The following STPG2 variants were observed in gnomAD, a reference collection of about 807,000 sequenced individuals.
STPG2 encodes the protein sperm-tail PG-rich repeat-containing protein 2.
In STPG2, 56 loss-of-function variants were observed where a neutral mutation model predicts 54.2. The ratio of observed to expected loss-of-function variants is 1.03; its 90% CI spans 0.83 to 1.29. The LOEUF (loss-of-function observed/expected upper bound fraction) is 1.29, where lower values mean the gene tolerates loss of function less well. Ranked by LOEUF, STPG2 falls within the 50% of genes most tolerant of loss-of-function variation. The pLI is 0.00. For synonymous variants in STPG2, 200 were observed against 181.8 expected, an observed-to-expected ratio of 1.10 and a Z score of -0.81; for missense variants, 596 against 544.9, an observed-to-expected ratio of 1.09 and a Z score of -0.93.
intron 10 of STPG2, among the ~76,000 whole-genome samples, chr4:97,600,688 C>G (rs1733434646): frequency 6.6e-6 from 1 of 152,092 alleles, no homozygotes; most frequent in Non-Finnish European, 1.5e-5. Flanking sequence ...CACACATACA[C>G]ACACAAAAAA....
intron 9 of STPG2, among the ~76,000 whole-genome samples, chr4:97,817,428 CA>C (rs1004466302): frequency 6.3e-4 from 96 of 151,902 alleles, no homozygotes; most frequent in African/African-American, 2.1e-3. Flanking sequence ...TAAGAATTAG[CA>C]AAAACATTTC....
At chr4:97,516,622 A>C (rs1053530360) in intron 4 of STPG2, among the ~76,000 whole-genome samples, 17 of 152,146 alleles carry the variant, frequency 1.1e-4, no homozygotes, top group Middle Eastern at 6.8e-3. Context: ...CAGGAGTTTG[A>C]GACCAGTCTG....
intron 9 of STPG2, among the ~76,000 whole-genome samples, chr4:97,778,569 G>A (rs1315591356): frequency 6.6e-6 from 1 of 152,182 alleles, no homozygotes. Flanking sequence ...CTGTCTGACA[G>A]CTTTGAAGAG....
At chr4:97,574,093 A>G (rs889051261) in intron 10 of STPG2, among the ~76,000 whole-genome samples, 2 of 152,142 alleles carry the variant, frequency 1.3e-5, no homozygotes, top group African/African-American at 4.8e-5. Context: ...GGGCATGGAT[A>G]GTTTTGAGGG....
At chr4:98,053,482 T>C (rs1737389227) in intron 5 of STPG2, among the ~76,000 whole-genome samples, 1 of 152,068 alleles carries the variant, frequency 6.6e-6, no homozygotes, top group Admixed American at 6.5e-5. Flanking sequence ...CCATTAACTA[T>C]AGCTATATAA....
intron 4 of STPG2, among the ~76,000 whole-genome samples, chr4:97,501,999 T>A (rs1730735341): frequency 1.3e-5 from 2 of 151,532 alleles, no homozygotes; most frequent in Admixed American, 1.3e-4. Context: ...AAAAGTCAAA[T>A]AAGTGACATA....
chr4:97,967,756 A>C (rs867245800), intron 7 of STPG2, among the ~76,000 whole-genome samples: 1 of 152,232 alleles, frequency 6.6e-6, no homozygotes, highest in African/African-American at 2.4e-5. Flanking sequence ...CTCCTGAATG[A>C]CTACTGGGTA....
intron 8 of STPG2, among the ~76,000 whole-genome samples, chr4:97,856,676 G>T (rs1729347333): frequency 6.6e-6 from 1 of 152,094 alleles, no homozygotes; most frequent in African/African-American, 2.4e-5. Flanking sequence ...GATTGCCCTG[G>T]CCGGAATTTC....
intron 4 of STPG2, among the ~76,000 whole-genome samples, chr4:97,552,538 C>T (rs1210416897): frequency 6.6e-6 from 1 of 151,910 alleles, no homozygotes; most frequent in African/African-American, 2.4e-5. Context: ...TGATAATTTT[C>T]AATTACCAAA....
intron 10 of STPG2, among the ~76,000 whole-genome samples, chr4:97,565,761 T>C (rs1024619311): frequency 1.3e-5 from 2 of 151,908 alleles, no homozygotes; most frequent in Admixed American, 6.6e-5. Flanking sequence ...TTTCGTGAAC[T>C]GTGAATGCTG....
At chr4:97,525,238 G>T (rs1217213583) in intron 4 of STPG2, among the ~76,000 whole-genome samples, 2 of 151,508 alleles carry the variant, frequency 1.3e-5, no homozygotes, top group Non-Finnish European at 2.9e-5. Flanking sequence ...AAAATATCCA[G>T]GTTTTACTGC....
intron 8 of STPG2, among the ~76,000 whole-genome samples, chr4:97,861,074 G>T (rs112235007): frequency 6.6e-6 from 1 of 151,986 alleles, no homozygotes; most frequent in African/African-American, 2.4e-5. Flanking sequence ...CAGAATGGCA[G>T]AAAATATTTA....
At chr4:97,467,048 T>C (rs1359666552) in intron 4 of STPG2, among the ~76,000 whole-genome samples, 1 of 151,914 alleles carries the variant, frequency 6.6e-6, no homozygotes, top group Non-Finnish European at 1.5e-5. Flanking sequence ...TCAAAAGAAA[T>C]ACTACAGCTG....
At chr4:97,602,158 C>A (rs1733479260) in intron 10 of STPG2, among the ~76,000 whole-genome samples, 1 of 151,652 alleles carries the variant, frequency 6.6e-6, no homozygotes, top group Admixed American at 6.6e-5. Flanking sequence ...TACTTTTTTT[C>A]TATGTTGTCA....
chr4:97,587,671 G>A (rs1733034162), intron 10 of STPG2, among the ~76,000 whole-genome samples: 1 of 151,894 alleles, frequency 6.6e-6, no homozygotes, highest in African/African-American at 2.4e-5. Context: ...AATAGTCTTT[G>A]TAGTCCTAAA....
intron 10 of STPG2, among the ~76,000 whole-genome samples, chr4:97,661,223 T>C (rs1722368040): frequency 6.6e-6 from 1 of 152,082 alleles, no homozygotes; most frequent in Admixed American, 6.5e-5. Context: ...AAGTTACATA[T>C]AGTAAAAAAG....
intron 5 of STPG2, among the ~76,000 whole-genome samples, chr4:98,050,103 G>A (rs1027079866): frequency 6.6e-6 from 1 of 152,118 alleles, no homozygotes; most frequent in African/African-American, 2.4e-5. Flanking sequence ...ACAATGTATG[G>A]ATCTTATTTG....
chr4:97,861,387 G>A (rs1729531549), intron 8 of STPG2, among the ~76,000 whole-genome samples: 2 of 152,168 alleles, frequency 1.3e-5, no homozygotes, highest in South Asian at 2.1e-4. Flanking sequence ...TTTGGCCACT[G>A]TTGGTGGGAA....
intron 9 of STPG2, among the ~76,000 whole-genome samples, chr4:97,793,069 A>G (rs1042233920): frequency 1.3e-5 from 2 of 151,942 alleles, no homozygotes; most frequent in African/African-American, 4.8e-5. Flanking sequence ...CAGGAGAATC[A>G]CTGGAACCTG....
Sources: allele counts gnomAD v4.1 joint callset (sites outside exome capture counted in the v4.1 genomes callset), GRCh38; gene constraint gnomAD v4.1.1; transcripts MANE v1.5; gene names NCBI Gene and HGNC (gene_info 2026-07-23, HGNC 2026-07-21).